Variants in ITGAE observed in about 807,000 individuals in gnomAD.
The protein encoded by ITGAE is integrin subunit alpha E, also known as integrin alpha-E.
A neutral mutation model predicts 136.5 loss-of-function variants in ITGAE; 99 were observed. That is an observed-to-expected ratio of 0.73 (90% CI 0.62 to 0.86). ITGAE has a LOEUF of 0.86. ITGAE is among the 40% of genes least tolerant of loss of function. The pLI is 0.00. For missense variants in ITGAE, 1,447 were observed against 1,515.3 expected (o/e 0.95, Z 0.75); for synonymous variants, 613 against 591.8 (o/e 1.04, Z -0.52).
chr17:3,730,904 C>A (rs1261153288), intron 23 of ITGAE, among the ~76,000 whole-genome samples, 200 bp downstream of exon 23: 3 of 152,190 alleles, frequency 2.0e-5, no homozygotes, highest in African/African-American at 7.2e-5. Context: ...TGTGTGTGAA[C>A]AAAAGAACAT....
chr17:3,793,806 A>G (rs1227002485), intron 1 of ITGAE, among the ~76,000 whole-genome samples: 1 of 151,866 alleles, frequency 6.6e-6, no homozygotes, highest in East Asian at 1.9e-4. Context: ...TTGGCCTCCC[A>G]AAGTGCTGGG....
chr17:3,733,450 C>A (rs529999790), intron 21 of ITGAE, among the ~76,000 whole-genome samples: 1 of 152,162 alleles, frequency 6.6e-6, no homozygotes, highest in East Asian at 1.9e-4. Context: ...GAGACAGAGT[C>A]CTGCTCTGTT....
At chr17:3,755,062 C>A in intron 12 of ITGAE, 55 bp downstream of exon 12, 1 of 359,602 alleles carries the variant, frequency 2.8e-6, no homozygotes, top group African/African-American at 1.0e-4. Flanking sequence ...CAGGGAGCCT[C>A]CAGGCCCCGC....
intron 1 of ITGAE, among the ~76,000 whole-genome samples, chr17:3,797,318 A>G (rs192695375): frequency 0.024 from 3,563 of 150,844 alleles, 139 homozygotes; most frequent in African/African-American, 0.082. Flanking sequence ...GGCACCCGCC[A>G]CCATGCCCAG....
At chr17:3,774,902 G>A (rs143542288) in intron 2 of ITGAE, among the ~76,000 whole-genome samples, 4 of 152,170 alleles carry the variant, frequency 2.6e-5, no homozygotes, top group South Asian at 2.1e-4. Context: ...ATCAGCACGC[G>A]GCCACCATCG....
At chr17:3,715,330 T>C (rs2050921922) in intron 30 of ITGAE, among the ~76,000 whole-genome samples, 1 of 152,034 alleles carries the variant, frequency 6.6e-6, no homozygotes. Flanking sequence ...CATCATCTAG[T>C]AGGAAAAAGA....
chr17:3,745,739 C>T (rs759714855), intron 18 of ITGAE, 25 bp downstream of exon 18: 15 of 1,610,918 alleles, frequency 9.3e-6, no homozygotes, highest in African/African-American at 8.0e-5. Context: ...CCCCTCCTGA[C>T]TCCCATCCAA....
chr17:3,714,875 G>C lies in ITGAE; in HGVS notation c.3512C>G (p.Ser1171Ter). Residue 1171 changes from serine (S) to a stop codon, truncating the protein, a stop_gained, in exon 31 of 31, where the codon TCA (serine) becomes TGA (stop). Coordinates refer to ENST00000263087, the MANE Select transcript of ITGAE (RefSeq NM_002208.5). LOFTEE classifies it high-confidence loss of function. ...ATTCTCTTCTTCGAGCAGATTCTCT[G>C]ATTTCAGCTGGGCCTTCCTGATGCT... ...LESIRKAQLK[S>*]ENLLEEEN 1.2e-6 allele frequency: 2 copies of C among 1,610,420 alleles called. No individual in the cohort carries two copies. Among genetic ancestry groups the C allele is most frequent in the Non-Finnish European group, 1.7e-6 (2 of 1,177,550 alleles).
At chr17:3,722,032 A>C (rs1166744899) in intron 28 of ITGAE, among the ~76,000 whole-genome samples, 1 of 151,658 alleles carries the variant, frequency 6.6e-6, no homozygotes, top group Non-Finnish European at 1.5e-5. Context: ...ATACAAAATT[A>C]GCCGGGTATG....
intron 29 of ITGAE, chr17:3,717,384 T>C (rs1035515297): frequency 1.3e-5 from 2 of 152,368 alleles, no homozygotes; most frequent in African/African-American, 4.8e-5. Context: ...ATTATATCCA[T>C]GTGTACTACT....
chr17:3,782,340 A>AGTGTGTGTGTGTGT lies in ITGAE; in HGVS notation c.35-4694_35-4681dup, dbSNP rs151134975. The stretch of plus-strand genomic sequence containing the variant: ...ATGCCACTCCATTGCTTAAATCTCT[A>AGTGTGTGTGTGTGT]GTGTGTGTGTGTGTGTGTGTGTGTG... On this transcript the variant is annotated intron_variant, in intron 1 of 30. Transcript: ENST00000263087. 7.3e-4 allele frequency among the ~76,000 whole-genome samples: 80 copies of AGTGTGTGTGTGTGT among 109,616 alleles called. 1 individual carries two copies. Among genetic ancestry groups the AGTGTGTGTGTGTGT allele is most frequent in the African/African-American group, 2.1e-3 (62 of 28,928 alleles). The allele number at this position is 109,616 out of a possible 152,430, so 71.9% of individuals were successfully genotyped here.
At chr17:3,796,108 C>CAT (rs752191985) in intron 1 of ITGAE, among the ~76,000 whole-genome samples, 3 of 25,034 alleles carry the variant, frequency 1.2e-4, no homozygotes, top group African/African-American at 3.2e-4. Flanking sequence ...TGTGTGCATC[C>CAT]CTGTGTGCAT....
intron 24 of ITGAE, among the ~76,000 whole-genome samples, chr17:3,728,929 G>C (rs568776413): frequency 2.6e-5 from 4 of 151,712 alleles, no homozygotes; most frequent in Non-Finnish European, 4.4e-5. Context: ...TCAACTACTC[G>C]GGAGGCTGAG....
At chr17:3,762,059 C>T (rs1001124107) in intron 3 of ITGAE, 77 bp from the exon 4 acceptor site, 2 of 1,254,124 alleles carry the variant, frequency 1.6e-6, no homozygotes, top group Non-Finnish European at 2.3e-6. Flanking sequence ...TCAGAGGGCA[C>T]AGAGCCACCT....
chr17:3,731,022 G>A (rs75487983), intron 23 of ITGAE, 82 bp downstream of exon 23: 15,732 of 1,148,080 alleles, frequency 0.014, 153 homozygotes, highest in South Asian at 0.018. Flanking sequence ...TAAGGGGGCC[G>A]TTCCTCTCAC....
intron 1 of ITGAE, among the ~76,000 whole-genome samples, chr17:3,792,182 C>T (rs187154120): frequency 2.0e-5 from 3 of 152,204 alleles, no homozygotes; most frequent in South Asian, 2.1e-4. Flanking sequence ...AGGGCAGTGG[C>T]GCGATCTCGG....
chr17:3,770,756 G>A (rs1453197506), intron 2 of ITGAE, among the ~76,000 whole-genome samples: 2 of 152,152 alleles, frequency 1.3e-5, no homozygotes, highest in Non-Finnish European at 2.9e-5. Context: ...TGTTCAGGGA[G>A]CCCCGCTGGG....
rs1482952842 is a variant in ITGAE at position 3,761,450 on chromosome 17, A to G, written c.386T>C (p.Leu129Pro). Residue 129 changes from leucine to proline, a missense_variant, in exon 5 of 31, where the codon CTG becomes CCG. By Grantham distance (98) the Leu-to-Pro change is moderately conservative (BLOSUM62 -3). Around this residue, in one of 3 missense-constraint regions of ITGAE, gnomAD observed 310 missense variants for 416.1 expected, o/e 0.74. Transcript: ENST00000263087. ...AGCCTGGGGACGGAGGTCAGGGCCCAGGAGGCTACAGGTGCCTGTGAGTTC... is the reference window on the plus strand; with the variant it reads ...AGCCTGGGGACGGAGGTCAGGGCCCGGGAGGCTACAGGTGCCTGTGAGTTC... ...SSELTGTCSL[L>P]GPDLRPQAQA... The G allele has an allele frequency of 1.2e-6, 2 of 1,614,044 alleles. No individual in the cohort carries two copies. Among genetic ancestry groups the G allele is most frequent in the Non-Finnish European group, 1.7e-6 (2 of 1,179,986 alleles).
At chr17:3,735,915 G>A (rs556987140) in intron 20 of ITGAE, among the ~76,000 whole-genome samples, 82 of 152,190 alleles carry the variant, frequency 5.4e-4, no homozygotes, top group African/African-American at 2.0e-3. Flanking sequence ...AGGCCGAGGC[G>A]GGTAGATCAC....
Sources: gnomAD v4.1 joint callset for allele counts (sites outside exome capture counted in the v4.1 genomes callset) on GRCh38, gnomAD v4.1.1 for gene constraint, gnomAD v4.1.1 regional missense constraint, MANE v1.5 for transcripts, NCBI Gene and HGNC (gene_info 2026-07-23, HGNC 2026-07-21) for gene names.